Variants in HDAC5 observed in about 807,000 individuals in gnomAD.
The protein encoded by HDAC5 is histone deacetylase 5.
HDAC5 carries 25 observed loss-of-function variants against 133.3 expected under a neutral mutation model. That is an observed-to-expected ratio of 0.19 (90% CI 0.14 to 0.26). The LOEUF (loss-of-function observed/expected upper bound fraction) is 0.26. Ranked by LOEUF, HDAC5 falls within the 10% of genes least tolerant of loss-of-function variation. The probability of loss-of-function intolerance (pLI) is 1.00; values close to 1 mark genes in which losing one functional copy is unlikely to be tolerated. For synonymous variants in HDAC5, 589 were observed against 610.8 expected, an observed-to-expected ratio of 0.96 and a Z score of 0.53; for missense variants, 1,041 against 1,460.5, an observed-to-expected ratio of 0.71 and a Z score of 4.68.
At position 44,086,921 on chromosome 17, in the gene HDAC5, T is replaced by C. The variant is rs558897591; in HGVS notation, c.1885-184A>G. Among the ~76,000 whole-genome samples, 202 of 111,150 alleles carry C rather than the reference T, an allele frequency of 1.8e-3. 2 individuals are homozygous for C. Among genetic ancestry groups the C allele is most frequent in the African/African-American group, 6.8e-3 (195 of 28,868 alleles). 72.9% of individuals were successfully genotyped at this position (111,150 alleles called of 152,430 possible). On this transcript the variant is annotated intron_variant, in intron 13 of 26. Coordinates refer to ENST00000682912, the MANE Select transcript of HDAC5 (RefSeq NM_005474.5). The stretch of plus-strand genomic sequence containing the variant: ...ACATCTCCTCTGAGATGGGGAGGGA[T>C]GGGGGAGATGTGATGAGTCACATCA...
rs749040367 is a variant in HDAC5 at position 44,078,653 on chromosome 17, C to T, written c.3176G>A (p.Ser1059Asn). ...ACCAGCGGCGAACTTCTGCACACAG[C>T]TCCAGTGTTTGCCTGTGGACGAGAG... ...KVIEIQSKHW[S>N]CVQKFAAGLG... Residue 1059 changes from serine (S) to asparagine (N), a missense_variant, in exon 26 of 27, where the codon AGC (serine) becomes AAC (asparagine). Around this residue, in one of 9 missense-constraint regions of HDAC5, gnomAD observed 95 missense variants for 107.3 expected, o/e 0.88. Transcript: ENST00000682912. The T allele has an allele frequency of 9.3e-6, 15 of 1,605,422 alleles. No homozygotes were observed. The East Asian group carries it at 1.6e-4, about 17-fold the overall frequency.
Position 44,080,156 on chromosome 17 carries a change from A to T in HDAC5, c.2895T>A (p.Ala965=). ...CCAGAGGAGACAGATGTCCTTCAAC[A>T]GCATCAAACCCGGCGGAGACTAGGA... The part of the protein sequence containing the change: ...DVVLVSAGFD[A]VEGHLSPLGG... The change falls in exon 23 of 27, where the codon GCT becomes GCA. Residue 965 remains alanine (A), a synonymous_variant. Transcript: ENST00000682912. The T allele has an allele frequency of 1.2e-6, 2 of 1,614,114 alleles. No homozygotes were observed. Among genetic ancestry groups the T allele is most frequent in the Non-Finnish European group, 1.7e-6 (2 of 1,180,004 alleles).
chr17:44,080,388 T>C lies in HDAC5; in HGVS notation c.2825+13A>G, dbSNP rs2050334554. ...GGCTCCCACTGACTACCATGGCCCT[T>C]TTCAGTCCCTACCTGAAGGCTGTAA... On this transcript the variant is annotated intron_variant, in intron 22 of 26. Coordinates refer to ENST00000682912, the MANE Select transcript of HDAC5 (RefSeq NM_005474.5). 6.2e-7 allele frequency: 1 copy of C among 1,612,398 alleles called. No individual in the cohort carries two copies. The highest frequency in any genetic ancestry group is 2.2e-5 in the East Asian group (1 of 44,864).
chr17:44,109,973 TGG>T (rs1449556143), intron 3 of HDAC5, among the ~76,000 whole-genome samples: 6 of 152,220 alleles, frequency 3.9e-5, no homozygotes, highest in African/African-American at 1.2e-4. Flanking sequence ...GGCCCAGCTC[TGG>T]GGGACCCCAC....
Position 44,078,792 on chromosome 17 carries a change from C to T in HDAC5, c.3163+3G>A. ...CTGAGCCCCTCTACGTGTCCTCACG[C>T]ACTCTGGATCTCGATGACTTTCTCT... On this transcript the variant is annotated splice_donor_region_variant and intron_variant, in intron 25 of 26. Transcript: ENST00000682912. The T allele has an allele frequency of 1.2e-6, 2 of 1,614,082 alleles. No homozygotes were observed. Among genetic ancestry groups the T allele is most frequent in the Non-Finnish European group, 1.7e-6 (2 of 1,179,940 alleles).
In HDAC5 at chr17:44,079,509, A is replaced by G. The variant is rs190621530; in HGVS notation, c.2945-232T>C. Among the ~76,000 whole-genome samples, 886 of 151,910 alleles carry G rather than the reference A, an allele frequency of 5.8e-3. 10 individuals carry two copies. The highest frequency in any genetic ancestry group is 0.02 in the African/African-American group (829 of 41,424). On this transcript the variant is annotated intron_variant, in intron 23 of 26. Transcript: ENST00000682912. Reference sequence around the variant, plus strand: ...ACAATAATTAGCCGGCCATGGTGGCACGCGCCTGTAATCCCAGCTACTTGG... The same window carrying G: ...ACAATAATTAGCCGGCCATGGTGGCGCGCGCCTGTAATCCCAGCTACTTGG...
rs1204118076 is a variant in HDAC5 at position 44,080,831 on chromosome 17, C to G, written c.2659G>C (p.Val887Leu). The G allele has an allele frequency of 6.2e-7, 1 of 1,614,194 alleles. No individual in the cohort carries two copies. The highest frequency in any genetic ancestry group is 1.7e-5 in the Admixed American group (1 of 60,028). The change falls in exon 21 of 27, where the codon GTG (valine) becomes CTG (leucine). Residue 887 changes from valine to leucine, a missense_variant. This residue lies in a region of HDAC5 where 174 missense variants were observed against 352.7 expected (regional missense o/e 0.49). Transcript: ENST00000682912. ...TAGCGATGCAGAGAGATGTAGAGCACAGAGGGGTCATTGTAGAACGCCTGC... is the reference window on the plus strand; with the variant it reads ...TAGCGATGCAGAGAGATGTAGAGCAGAGAGGGGTCATTGTAGAACGCCTGC... The part of the protein sequence containing the change: ...TQQAFYNDPS[V>L]LYISLHRYDN...
chr17:44,121,101 G>GA (rs35741759), intron 1 of HDAC5, among the ~76,000 whole-genome samples: 2,189 of 87,784 alleles, frequency 0.025, 81 homozygotes, highest in African/African-American at 0.086. Context: ...GCTATTTCTA[G>GA]AAAAAAAAAA....
chr17:44,092,530 G>A lies in HDAC5; in HGVS notation c.773-3C>T. 1 of 1,611,352 alleles carries A rather than the reference G, an allele frequency of 6.2e-7. No homozygotes were observed. The highest frequency in any genetic ancestry group is 8.5e-7 in the Non-Finnish European group (1 of 1,177,826). On this transcript the variant is annotated splice_region_variant and splice_polypyrimidine_tract_variant and intron_variant, in intron 7 of 26. Transcript: ENST00000682912. ...CACTTTCAAGTTGGGTTCAGAGGCT[G>A]GAGAGAAGGTAACCGAGGTTCAGAT...
At position 44,093,821 on chromosome 17, in the gene HDAC5, C is replaced by T. The variant is rs750491714; in HGVS notation, c.108G>A (p.Pro36=). Residue 36 remains proline (P), a synonymous_variant, in exon 4 of 27, where the codon CCG becomes CCA. Coordinates refer to ENST00000682912, the MANE Select transcript of HDAC5 (RefSeq NM_005474.5). ...HSIPVTVEVK[P]VLPRAMPSSM... is the part of the protein sequence containing the mutation. ...AACTGGGCATGGCTCTTGGCAGCAC[C>T]GGCTTCACCTCCACTGTGGGCAGAA... 5 of 1,511,738 alleles carry T rather than the reference C, an allele frequency of 3.3e-6. No homozygotes were observed. Among genetic ancestry groups the T allele is most frequent in the East Asian group, 4.6e-5 (2 of 43,530 alleles). 93.6% of individuals were successfully genotyped at this position (1,511,738 alleles called of 1,614,324 possible). A position where few individuals can be genotyped will look rare whatever the true frequency, so the allele number is the denominator to read the frequency against.
intron 3 of HDAC5, among the ~76,000 whole-genome samples, chr17:44,096,067 G>A (rs2051255019): frequency 6.6e-6 from 1 of 152,026 alleles, no homozygotes; most frequent in African/African-American, 2.4e-5. Flanking sequence ...CCTCACCACT[G>A]CCCTGTGGTT....
chr17:44,077,254 GAA>G lies in HDAC5; in HGVS notation c.*1120_*1121del, dbSNP rs1160867219. ...CCACAGCCCCTGGCAGGGCTCCTGGGAAAGAGAAGGGACAGCGCCCAGCCCCC... is the reference window on the plus strand; with the variant it reads ...CCACAGCCCCTGGCAGGGCTCCTGGGAGAGAAGGGACAGCGCCCAGCCCCC... On this transcript the variant is annotated 3_prime_UTR_variant, in exon 27 of 27. Coordinates refer to ENST00000682912, the MANE Select transcript of HDAC5 (RefSeq NM_005474.5). 2.0e-5 allele frequency: 3 copies of G among 152,640 alleles called. No homozygotes were observed. Among genetic ancestry groups the G allele is most frequent in the Non-Finnish European group, 4.4e-5 (3 of 68,088 alleles). The allele number at this position is 152,640 out of a possible 1,614,324, so 9.5% of individuals were successfully genotyped here. A position where few individuals can be genotyped will look rare whatever the true frequency, so the allele number is the denominator to read the frequency against.
intron 3 of HDAC5, among the ~76,000 whole-genome samples, chr17:44,109,960 A>C (rs1230953419): frequency 6.6e-6 from 1 of 152,234 alleles, no homozygotes; most frequent in Non-Finnish European, 1.5e-5. Flanking sequence ...TGAGGGAAGG[A>C]GCGGCCCAGC....
intron 22 of HDAC5, 39 bp downstream of exon 22, chr17:44,080,362 G>A (rs1038175589): frequency 3.1e-6 from 5 of 1,597,356 alleles, no homozygotes; most frequent in East Asian, 4.5e-5. Flanking sequence ...GGGCCCAGAG[G>A]GGCTCCCACT....
chr17:44,098,219 A>G (rs1299211638), intron 3 of HDAC5, among the ~76,000 whole-genome samples: 1 of 152,118 alleles, frequency 6.6e-6, no homozygotes, highest in Admixed American at 6.6e-5. Context: ...CGGGCCTTGC[A>G]CTCTCTCAAG....
In HDAC5 at chr17:44,079,171, A is replaced by C. The variant is rs1938744103; in HGVS notation, c.3051T>G (p.Ala1017=). 6.2e-7 allele frequency: 1 copy of C among 1,613,212 alleles called. No individual in the cohort carries two copies. The highest frequency in any genetic ancestry group is 8.5e-7 in the Non-Finnish European group (1 of 1,179,290). Residue 1017 remains alanine (A), a synonymous_variant, in exon 24 of 27, where the codon GCT becomes GCG. Transcript: ENST00000682912. Reference sequence around the variant, plus strand: ...CTACACTGAGCAGAGCCGAGACACAAGCCTCAGAGGCATCACAGATGGCGG... The same window carrying C: ...CTACACTGAGCAGAGCCGAGACACACGCCTCAGAGGCATCACAGATGGCGG... The part of the protein sequence containing the change: ...DLTAICDASE[A]CVSALLSVEL...
chr17:44,120,282 C>G (rs1475136973), intron 1 of HDAC5, among the ~76,000 whole-genome samples: 1 of 152,204 alleles, frequency 6.6e-6, no homozygotes, highest in Non-Finnish European at 1.5e-5. Flanking sequence ...CTTGAAGACC[C>G]TCTCTGGATC....
chr17:44,078,458 A>C, intron 26 of HDAC5, 42 bp downstream of exon 26: 1 of 1,575,582 alleles, frequency 6.3e-7, no homozygotes, highest in Non-Finnish European at 8.6e-7. Context: ...GGGGCGCACC[A>C]GCAGGGGTGA....
At chr17:44,099,501 G>C (rs1172711086) in intron 3 of HDAC5, among the ~76,000 whole-genome samples, 1 of 151,180 alleles carries the variant, frequency 6.6e-6, no homozygotes, top group East Asian at 2.0e-4. Flanking sequence ...TTGAGACGGA[G>C]TCTCGCTCTG....
Sources: gnomAD v4.1 joint callset for allele counts (sites outside exome capture counted in the v4.1 genomes callset) on GRCh38, gnomAD v4.1.1 for gene constraint, gnomAD v4.1.1 regional missense constraint, MANE v1.5 for transcripts, NCBI Gene and HGNC (gene_info 2026-07-23, HGNC 2026-07-21) for gene names.